The following CNTNAP2 variants were observed in gnomAD, a reference collection of about 807,000 sequenced individuals.
CNTNAP2 encodes the protein contactin-associated protein-like 2.
CNTNAP2 carries 98 observed loss-of-function variants against 155.2 expected under a neutral mutation model. The observed-to-expected ratio is 0.63, with a 90% CI of 0.54 to 0.75. The LOEUF (loss-of-function observed/expected upper bound fraction) is 0.75, where lower values mean the gene tolerates loss of function less well. CNTNAP2 is among the 30% of genes least tolerant of loss of function. CNTNAP2 has a pLI of 0.00. For missense variants in CNTNAP2, 1,727 were observed against 1,688.1 expected (o/e 1.02, Z -0.40); for synonymous variants, 651 against 631.2 (o/e 1.03, Z -0.47).
In CNTNAP2 at chr7:147,125,780, C is replaced by G. The variant is rs369169521; in HGVS notation, c.940-2913C>G. On this transcript the variant is annotated intron_variant, in intron 6 of 23. Transcript: ENST00000361727. ...TGAAATGAATCTAATCGCATTCTTTCCATAGGGTTTATGAGGAGGCAACAG... is the reference window on the plus strand; with the variant it reads ...TGAAATGAATCTAATCGCATTCTTTGCATAGGGTTTATGAGGAGGCAACAG... 1.3e-3 allele frequency among the ~76,000 whole-genome samples: 200 copies of G among 152,204 alleles called. 1 individual carries two copies. Among genetic ancestry groups the G allele is most frequent in the African/African-American group, 4.7e-3 (194 of 41,514 alleles).
chr7:146,523,304 G>A (rs1326730809), intron 1 of CNTNAP2, among the ~76,000 whole-genome samples: 11 of 151,840 alleles, frequency 7.2e-5, no homozygotes, highest in Admixed American at 7.2e-4. Flanking sequence ...AAAAATTTTG[G>A]TACTAGAGAG....
At chr7:147,230,090 T>A (rs776126551) in intron 8 of CNTNAP2, among the ~76,000 whole-genome samples, 3 of 152,208 alleles carry the variant, frequency 2.0e-5, no homozygotes, top group Non-Finnish European at 4.4e-5. Flanking sequence ...AAAGGCTTCA[T>A]ACATTTACCA....
At chr7:146,371,647 G>T (rs1795238360) in intron 1 of CNTNAP2, among the ~76,000 whole-genome samples, 1 of 151,624 alleles carries the variant, frequency 6.6e-6, no homozygotes, top group South Asian at 2.1e-4. Flanking sequence ...TAGTTCTTTT[G>T]TGTCATTTAA....
At chr7:147,881,250 C>T (rs553043757) in intron 13 of CNTNAP2, among the ~76,000 whole-genome samples, 2 of 152,264 alleles carry the variant, frequency 1.3e-5, no homozygotes, top group Admixed American at 1.3e-4. Flanking sequence ...GTATATGTAG[C>T]ACCACCAAAT....
intron 13 of CNTNAP2, among the ~76,000 whole-genome samples, chr7:147,726,593 G>A (rs1239177949): frequency 1.3e-5 from 2 of 152,004 alleles, no homozygotes; most frequent in African/African-American, 4.8e-5. Context: ...AAGGGTCCGA[G>A]AAGGTTGAGA....
chr7:148,221,851 T>C (rs949446921), intron 19 of CNTNAP2, among the ~76,000 whole-genome samples: 1 of 152,202 alleles, frequency 6.6e-6, no homozygotes, highest in Non-Finnish European at 1.5e-5. Flanking sequence ...ACAAGTCCTG[T>C]GAATTGAACT....
chr7:146,751,926 T>A (rs1382198794), intron 1 of CNTNAP2, among the ~76,000 whole-genome samples: 1 of 152,146 alleles, frequency 6.6e-6, no homozygotes, highest in African/African-American at 2.4e-5. Flanking sequence ...GCTTCCAGCT[T>A]CATCCATGTC....
chr7:146,337,611 A>G (rs975744722), intron 1 of CNTNAP2, among the ~76,000 whole-genome samples: 1 of 148,536 alleles, frequency 6.7e-6, no homozygotes, highest in Non-Finnish European at 1.5e-5. Flanking sequence ...GGAATATGGC[A>G]CATACCTGGC....
Position 148,375,504 on chromosome 7 carries a change from C to T in CNTNAP2, c.3476-8145C>T, listed in dbSNP as rs571748286. Among the ~76,000 whole-genome samples the T allele has an allele frequency of 8.6e-5, 13 of 150,550 alleles. No homozygotes were observed. In the South Asian group the frequency reaches 2.7e-3, roughly 32 times the overall value. On this transcript the variant is annotated intron_variant, in intron 21 of 23. Coordinates refer to ENST00000361727, the MANE Select transcript of CNTNAP2 (RefSeq NM_014141.6). ...CCTCCCGAGTAGCTGGGATTACAGGCGTCCACCACCACGCCCAGCTAATTT... is the reference window on the plus strand; with the variant it reads ...CCTCCCGAGTAGCTGGGATTACAGGTGTCCACCACCACGCCCAGCTAATTT...
intron 8 of CNTNAP2, among the ~76,000 whole-genome samples, chr7:147,197,552 A>C (rs1802832356): frequency 6.6e-6 from 1 of 152,144 alleles, no homozygotes; most frequent in Non-Finnish European, 1.5e-5. Flanking sequence ...TTGCCGGAAA[A>C]AAGGGGAAGC....
chr7:146,358,096 A>G (rs776796501), intron 1 of CNTNAP2, among the ~76,000 whole-genome samples: 5 of 152,000 alleles, frequency 3.3e-5, no homozygotes, highest in Non-Finnish European at 7.4e-5. Flanking sequence ...GTGCAGTGGC[A>G]TGATCTCGGC....
chr7:147,730,045 A>G (rs775348474), intron 13 of CNTNAP2, among the ~76,000 whole-genome samples: 6 of 152,128 alleles, frequency 3.9e-5, no homozygotes, highest in Non-Finnish European at 7.4e-5. Context: ...GGCTATGAAG[A>G]TGGAAGTTGA....
chr7:147,389,531 C>T (rs929889114), intron 9 of CNTNAP2, among the ~76,000 whole-genome samples: 1 of 152,092 alleles, frequency 6.6e-6, no homozygotes, highest in Non-Finnish European at 1.5e-5. Context: ...AATTTTAAAA[C>T]CTTGAAAATG....
intron 13 of CNTNAP2, among the ~76,000 whole-genome samples, chr7:147,813,292 C>T (rs1395115458): frequency 1.3e-5 from 2 of 152,074 alleles, no homozygotes; most frequent in African/African-American, 4.8e-5. Context: ...ACATTTTTTA[C>T]CAGGAAGTTG....
chr7:148,382,624 C>T (rs1194538153), intron 21 of CNTNAP2, among the ~76,000 whole-genome samples: 4 of 152,202 alleles, frequency 2.6e-5, no homozygotes, highest in Non-Finnish European at 5.9e-5. Context: ...TTATCCATGT[C>T]CCCCACAGCA....
At chr7:146,825,628 C>G (rs1803385445) in intron 2 of CNTNAP2, among the ~76,000 whole-genome samples, 2 of 152,088 alleles carry the variant, frequency 1.3e-5, no homozygotes, top group African/African-American at 4.8e-5. Context: ...ATTACTATAT[C>G]ATAGTCTGAG....
At chr7:148,334,982 G>A (rs188406881) in intron 21 of CNTNAP2, among the ~76,000 whole-genome samples, 63 of 152,342 alleles carry the variant, frequency 4.1e-4, no homozygotes, top group African/African-American at 1.3e-3. Flanking sequence ...ACTCAAAGAC[G>A]GGGAAGATGA....
intron 1 of CNTNAP2, among the ~76,000 whole-genome samples, chr7:146,462,079 C>T (rs1185464361): frequency 3.3e-5 from 5 of 152,032 alleles, no homozygotes; most frequent in Non-Finnish European, 7.4e-5. Context: ...AAGACATATT[C>T]TCTGAGGCTT....
At chr7:147,492,747 TTCAC>T (rs1224128237) in intron 11 of CNTNAP2, among the ~76,000 whole-genome samples, 1 of 152,192 alleles carries the variant, frequency 6.6e-6, no homozygotes, top group Non-Finnish European at 1.5e-5. Context: ...AAGTGTGGAT[TTCAC>T]TCATACTTAT....
Sources: gnomAD v4.1 joint callset for allele counts (sites outside exome capture counted in the v4.1 genomes callset) on GRCh38, gnomAD v4.1.1 for gene constraint, MANE v1.5 for transcripts, NCBI Gene and HGNC (gene_info 2026-07-23, HGNC 2026-07-21) for gene names.